Variants in HYCC1 observed in about 807,000 individuals in gnomAD.
The protein encoded by HYCC1 is hyccin PI4KA lipid kinase complex subunit 1.
the HYCC1 span, among the ~76,000 whole-genome samples, chr7:22,997,211 A>C: frequency 2.7e-4 from 41 of 152,306 alleles, no homozygotes; most frequent in African/African-American, 8.4e-4. Flanking sequence ...CATCAGAGAC[A>C]TATAACATTT....
the HYCC1 span, among the ~76,000 whole-genome samples, chr7:22,995,860 G>A: frequency 8.5e-5 from 13 of 152,108 alleles, no homozygotes; most frequent in Non-Finnish European, 1.8e-4. Context: ...GTGAAACCGG[G>A]CAAGCACTGC....
the HYCC1 span, among the ~76,000 whole-genome samples, chr7:22,946,688 A>G: frequency 6.6e-6 from 1 of 152,130 alleles, no homozygotes; most frequent in Non-Finnish European, 1.5e-5. Context: ...ATCCTTCATA[A>G]CAAAGATGGC....
chr7:22,976,600 C>T, the HYCC1 span: 5 of 809,532 alleles, frequency 6.2e-6, no homozygotes, highest in African/African-American at 3.4e-5. Flanking sequence ...AATTGTCACA[C>T]ACAACTCATT....
the HYCC1 span, among the ~76,000 whole-genome samples, chr7:22,998,638 C>T: frequency 4.6e-5 from 7 of 152,082 alleles, no homozygotes; most frequent in East Asian, 1.9e-4. Flanking sequence ...TTATAATGCC[C>T]GTCAAATTTA....
chr7:22,924,640 C>T, the HYCC1 span, among the ~76,000 whole-genome samples: 3 of 152,232 alleles, frequency 2.0e-5, no homozygotes, highest in African/African-American at 7.2e-5. Context: ...GGGGGAGGGG[C>T]ACCCGCCATT....
the HYCC1 span, among the ~76,000 whole-genome samples, chr7:22,899,583 G>T: frequency 6.6e-6 from 1 of 152,168 alleles, no homozygotes; most frequent in South Asian, 2.1e-4. Flanking sequence ...TATTAGAGAA[G>T]AAAGTGGGCA....
At chr7:22,942,188 G>C in the HYCC1 span, 1 of 151,980 alleles carries the variant, frequency 6.6e-6, no homozygotes, top group Non-Finnish European at 1.5e-5. Context: ...ATCTATTTTG[G>C]TTTTAAAAAT....
chr7:22,896,033 G>T, the HYCC1 span, among the ~76,000 whole-genome samples: 4 of 152,138 alleles, frequency 2.6e-5, no homozygotes, highest in African/African-American at 9.7e-5. Context: ...AATTAAGATC[G>T]TATTTAAATA....
At chr7:22,981,862 G>GT in the HYCC1 span, among the ~76,000 whole-genome samples, 1 of 152,186 alleles carries the variant, frequency 6.6e-6, no homozygotes, top group Admixed American at 6.5e-5. Context: ...ATATTTGTCT[G>GT]TGACAGATGA....
At chr7:22,951,417 A>G in the HYCC1 span, among the ~76,000 whole-genome samples, 2 of 151,934 alleles carry the variant, frequency 1.3e-5, no homozygotes, top group East Asian at 3.9e-4. Flanking sequence ...TGTGAAAATA[A>G]TAAGCTGAAG....
At chr7:22,903,262 G>C in the HYCC1 span, among the ~76,000 whole-genome samples, 3 of 151,280 alleles carry the variant, frequency 2.0e-5, no homozygotes, top group South Asian at 6.4e-4. Context: ...ATACAAACTT[G>C]TACACAAATG....
At chr7:22,977,041 T>C in the HYCC1 span, among the ~76,000 whole-genome samples, 8 of 151,392 alleles carry the variant, frequency 5.3e-5, no homozygotes, top group Non-Finnish European at 7.4e-5. Context: ...AAATACACAA[T>C]TGCCCACCCA....
chr7:23,012,021 T>G, the HYCC1 span, among the ~76,000 whole-genome samples: 159 of 152,356 alleles, frequency 1.0e-3, no homozygotes, highest in Non-Finnish European at 1.6e-3. Flanking sequence ...ACATCTTGTA[T>G]GTTAGATAGT....
the HYCC1 span, among the ~76,000 whole-genome samples, chr7:22,970,229 T>C: frequency 1.3e-5 from 2 of 152,210 alleles, no homozygotes; most frequent in Non-Finnish European, 2.9e-5. Flanking sequence ...TATTCAGAAA[T>C]GCAAATTGTT....
At chr7:22,946,683 T>C in the HYCC1 span, among the ~76,000 whole-genome samples, 1 of 152,114 alleles carries the variant, frequency 6.6e-6, no homozygotes, top group Middle Eastern at 3.4e-3. Context: ...ACATTATCCT[T>C]CATAACAAAG....
the HYCC1 span, among the ~76,000 whole-genome samples, chr7:22,910,725 T>C: frequency 1.3e-5 from 2 of 152,208 alleles, no homozygotes; most frequent in Admixed American, 6.5e-5. Flanking sequence ...AGCAGATCTA[T>C]TTTAGCAATC....
chr7:22,986,251 G>A, the HYCC1 span, among the ~76,000 whole-genome samples: 1 of 152,122 alleles, frequency 6.6e-6, no homozygotes, highest in Non-Finnish European at 1.5e-5. Flanking sequence ...AAATATTAGT[G>A]CAGTAATAAT....
chr7:22,939,579 T>G, the HYCC1 span: 2 of 152,262 alleles, frequency 1.3e-5, no homozygotes, highest in Non-Finnish European at 2.9e-5. Context: ...TATTATGATT[T>G]ACTTTTAGAA....
the HYCC1 span, chr7:23,013,834 G>A: frequency 4.7e-6 from 2 of 429,804 alleles, no homozygotes; most frequent in Non-Finnish European, 9.4e-6. Flanking sequence ...TGTCCTCGCC[G>A]CCGCCTCGCC....
Sources: allele counts gnomAD v4.1 joint callset (sites outside exome capture counted in the v4.1 genomes callset), GRCh38; gene constraint gnomAD v4.1.1; transcripts MANE v1.5; gene names NCBI Gene and HGNC (gene_info 2026-07-23, HGNC 2026-07-21).